Variants in KCNH1 observed in about 807,000 individuals in gnomAD.
The protein encoded by KCNH1 is potassium voltage-gated channel subfamily H member 1.
A neutral mutation model predicts 69.2 loss-of-function variants in KCNH1; 27 were observed. The observed-to-expected ratio is 0.39, with a 90% CI of 0.29 to 0.54. The LOEUF is 0.54. Among genes scored for constraint, KCNH1 ranks in the 20% least tolerant of loss-of-function variants. The probability of loss-of-function intolerance (pLI) is 0.68; values close to 1 mark genes in which losing one functional copy is unlikely to be tolerated. For missense variants in KCNH1, 798 were observed against 1,261.6 expected, an observed-to-expected ratio of 0.63 and a Z score of 5.57; for synonymous variants, 456 against 487.7, an observed-to-expected ratio of 0.93 and a Z score of 0.86.
At chr1:211,016,312 G>A (rs191050807) in intron 6 of KCNH1, among the ~76,000 whole-genome samples, 5 of 152,184 alleles carry the variant, frequency 3.3e-5, no homozygotes, top group Admixed American at 2.0e-4. Flanking sequence ...AACCTACCAG[G>A]TAACTGACAC....
chr1:210,970,734 G>C (rs924150830), intron 6 of KCNH1, among the ~76,000 whole-genome samples: 2 of 152,118 alleles, frequency 1.3e-5, no homozygotes, highest in African/African-American at 2.4e-5. Context: ...GGTGGGCAAA[G>C]ATTTTATGAT....
chr1:211,090,858 A>G (rs1448468850), intron 3 of KCNH1, among the ~76,000 whole-genome samples, 168 bp from the exon 4 acceptor site: 1 of 152,150 alleles, frequency 6.6e-6, no homozygotes, highest in Non-Finnish European at 1.5e-5. Context: ...TTCTTGCTGG[A>G]ATAAAAACTT....
At chr1:210,799,585 G>C (rs922194612) in intron 8 of KCNH1, among the ~76,000 whole-genome samples, 1 of 152,162 alleles carries the variant, frequency 6.6e-6, no homozygotes, top group African/African-American at 2.4e-5. Flanking sequence ...CAAGCATTAA[G>C]TATGGACACC....
intron 7 of KCNH1, among the ~76,000 whole-genome samples, chr1:210,854,263 T>C (rs146052624): frequency 6.6e-6 from 1 of 152,286 alleles, no homozygotes; most frequent in East Asian, 1.9e-4. Context: ...TTATATCTCA[T>C]TTCACAGAAT....
intron 10 of KCNH1, among the ~76,000 whole-genome samples, chr1:210,747,774 A>G (rs1683194539): frequency 6.6e-6 from 1 of 152,172 alleles, no homozygotes; most frequent in Non-Finnish European, 1.5e-5. Flanking sequence ...TTAGGATTTC[A>G]TTAGTTCTAA....
At chr1:210,713,025 T>A (rs541218392) in intron 10 of KCNH1, among the ~76,000 whole-genome samples, 9 of 152,058 alleles carry the variant, frequency 5.9e-5, no homozygotes, top group African/African-American at 1.9e-4. Flanking sequence ...TCAGGAGGGG[T>A]GCTATTGTGC....
intron 6 of KCNH1, among the ~76,000 whole-genome samples, chr1:210,936,064 T>C (rs967223186): frequency 5.9e-5 from 9 of 152,254 alleles, no homozygotes; most frequent in Non-Finnish European, 1.5e-5. Flanking sequence ...CACAGACTGA[T>C]GACAATGTGT....
At chr1:211,126,298 C>T (rs1450154992) in intron 1 of KCNH1, among the ~76,000 whole-genome samples, 1 of 152,164 alleles carries the variant, frequency 6.6e-6, no homozygotes, top group African/African-American at 2.4e-5. Context: ...ATCACAAGAT[C>T]AGGAGATCAA....
At chr1:210,894,040 C>A (rs550663112) in intron 7 of KCNH1, among the ~76,000 whole-genome samples, 2 of 152,108 alleles carry the variant, frequency 1.3e-5, no homozygotes, top group Non-Finnish European at 2.9e-5. Context: ...TTCTAAAAAC[C>A]TGTAACGGTT....
intron 10 of KCNH1, among the ~76,000 whole-genome samples, chr1:210,740,829 G>A (rs1432256727): frequency 6.6e-6 from 1 of 150,480 alleles, no homozygotes; most frequent in Non-Finnish European, 1.5e-5. Context: ...TGAGAAGGAA[G>A]AGGAGGGAGG....
intron 5 of KCNH1, among the ~76,000 whole-genome samples, chr1:211,029,960 C>G (rs541729630): frequency 6.6e-6 from 1 of 152,042 alleles, no homozygotes; most frequent in Non-Finnish European, 1.5e-5. Flanking sequence ...GTAAATATAA[C>G]AAAACGTGCA....
At chr1:211,117,030 G>A (rs886506901) in intron 1 of KCNH1, among the ~76,000 whole-genome samples, 1 of 152,172 alleles carries the variant, frequency 6.6e-6, no homozygotes, top group Non-Finnish European at 1.5e-5. Flanking sequence ...GATTCCAAGG[G>A]TATTGAGAGG....
chr1:211,011,490 C>T (rs1689393102), intron 6 of KCNH1, among the ~76,000 whole-genome samples: 1 of 152,106 alleles, frequency 6.6e-6, no homozygotes, highest in Non-Finnish European at 1.5e-5. Context: ...TGGGTATATA[C>T]CCAGTAATGG....
intron 7 of KCNH1, among the ~76,000 whole-genome samples, chr1:210,836,747 C>T (rs4113644): frequency 0.63 from 95,225 of 151,984 alleles, 30,882 homozygotes; most frequent in African/African-American, 0.8. Context: ...GAAAAGCAAA[C>T]ACTATAAAGA....
chr1:210,798,818 G>T (rs1684374453), intron 8 of KCNH1, among the ~76,000 whole-genome samples: 1 of 152,160 alleles, frequency 6.6e-6, no homozygotes. Flanking sequence ...ATGATCTACT[G>T]ATGGACTGAA....
At chr1:210,859,480 G>A (rs944368470) in intron 7 of KCNH1, 1 of 1,607,700 alleles carries the variant, frequency 6.2e-7, no homozygotes, top group African/African-American at 1.3e-5. Context: ...AGTCTCTTCA[G>A]CATCACCTTC....
chr1:211,100,099 C>T (rs1040180812), intron 3 of KCNH1, among the ~76,000 whole-genome samples: 2 of 152,096 alleles, frequency 1.3e-5, no homozygotes, highest in South Asian at 4.2e-4. Context: ...TGGGCTCAAA[C>T]GATCCTCCTC....
chr1:211,057,872 G>C (rs892474248), intron 5 of KCNH1, among the ~76,000 whole-genome samples: 3 of 152,070 alleles, frequency 2.0e-5, no homozygotes, highest in African/African-American at 7.2e-5. Context: ...GAAAGTTACA[G>C]AACACCAAGC....
At chr1:210,761,589 C>T (rs189526527) in intron 10 of KCNH1, among the ~76,000 whole-genome samples, 16 of 152,066 alleles carry the variant, frequency 1.1e-4, no homozygotes, top group African/African-American at 3.4e-4. Context: ...AGCAGGGGGT[C>T]GCTAGTCTTA....
Sources: allele counts gnomAD v4.1 joint callset (sites outside exome capture counted in the v4.1 genomes callset), GRCh38; gene constraint gnomAD v4.1.1; transcripts MANE v1.5; gene names NCBI Gene and HGNC (gene_info 2026-07-23, HGNC 2026-07-21).